Variants in CADPS2 observed in about 807,000 individuals in gnomAD.
CADPS2 encodes the protein calcium-dependent secretion activator 2.
In CADPS2, 93 loss-of-function variants were observed where a neutral mutation model predicts 172.5. The observed-to-expected ratio is 0.54, with a 90% CI of 0.46 to 0.64. The LOEUF (loss-of-function observed/expected upper bound fraction) is 0.64. CADPS2 is among the 30% of genes least tolerant of loss of function. The pLI is 0.00. For missense variants in CADPS2, 1,420 were observed against 1,565.9 expected (o/e 0.91, Z 1.57); for synonymous variants, 546 against 555.2 (o/e 0.98, Z 0.23).
intron 8 of CADPS2, among the ~76,000 whole-genome samples, chr7:122,529,225 C>T (rs1317774788): frequency 6.6e-6 from 1 of 151,332 alleles, no homozygotes; most frequent in African/African-American, 2.4e-5. Flanking sequence ...CAGTACCTTC[C>T]CACCCCAAAA....
intron 15 of CADPS2, 144 bp downstream of exon 15, chr7:122,451,230 G>A: frequency 2.4e-6 from 1 of 421,762 alleles, no homozygotes; most frequent in Non-Finnish European, 4.2e-6. Flanking sequence ...ACAGACTGAA[G>A]AATGTGAACC....
intron 3 of CADPS2, among the ~76,000 whole-genome samples, chr7:122,632,932 G>A (rs897567435): frequency 7.2e-5 from 11 of 152,114 alleles, no homozygotes; most frequent in Non-Finnish European, 1.5e-4. Context: ...AGTTATTCCA[G>A]CACCATTTAT....
chr7:122,325,447 G>T, intron 29 of CADPS2, 30 bp downstream of exon 29: 1 of 1,385,996 alleles, frequency 7.2e-7, no homozygotes, highest in South Asian at 1.2e-5. Context: ...AGCTTAGTGG[G>T]CAATTCATAT....
At position 122,362,525 on chromosome 7, in the gene CADPS2, T is replaced by C. The variant is rs534524375; in HGVS notation, c.3388-1512A>G. Among the ~76,000 whole-genome samples the C allele has an allele frequency of 2.0e-5, 3 of 152,264 alleles. No homozygotes were observed. The South Asian group carries it at 6.2e-4, about 32-fold the overall frequency. Reference sequence around the variant, plus strand: ...AAAAAACACATACACTATAATACAGTAAAAATGTGAAGCATTTTACTTTAT... The same window carrying C: ...AAAAAACACATACACTATAATACAGCAAAAATGTGAAGCATTTTACTTTAT... On this transcript the variant is annotated intron_variant, in intron 25 of 29. Coordinates refer to ENST00000449022, the MANE Select transcript of CADPS2 (RefSeq NM_017954.11).
intron 2 of CADPS2, among the ~76,000 whole-genome samples, chr7:122,665,617 T>C (rs953264731): frequency 1.3e-5 from 2 of 152,218 alleles, no homozygotes; most frequent in Admixed American, 6.5e-5. Flanking sequence ...TGATAAAGTG[T>C]TGAACATCTC....
At chr7:122,429,041 G>A (rs1053062571) in intron 17 of CADPS2, among the ~76,000 whole-genome samples, 3 of 151,942 alleles carry the variant, frequency 2.0e-5, no homozygotes, top group Non-Finnish European at 4.4e-5. Flanking sequence ...AACAACCAGT[G>A]TTTGTTACCA....
At chr7:122,708,469 T>G in intron 2 of CADPS2, among the ~76,000 whole-genome samples, 1 of 144,906 alleles carries the variant, frequency 6.9e-6, no homozygotes, top group South Asian at 2.2e-4. Flanking sequence ...TGGATATATA[T>G]ATATATATAT....
At chr7:122,513,377 T>C in intron 8 of CADPS2, 62 bp from the exon 9 acceptor site, 1 of 1,274,364 alleles carries the variant, frequency 7.8e-7, no homozygotes, top group Non-Finnish European at 1.1e-6. Flanking sequence ...TTCCATGTAA[T>C]CACATTTCTT....
chr7:122,662,788 T>C (rs997711674), intron 3 of CADPS2, among the ~76,000 whole-genome samples: 2 of 152,216 alleles, frequency 1.3e-5, no homozygotes, highest in Non-Finnish European at 2.9e-5. Context: ...TATTTCAATC[T>C]GGATGAGTTA....
intron 1 of CADPS2, among the ~76,000 whole-genome samples, chr7:122,871,396 T>A (rs1819711148): frequency 6.6e-6 from 1 of 152,094 alleles, no homozygotes; most frequent in African/African-American, 2.4e-5. Flanking sequence ...TCACTGACAA[T>A]TTTTAATTAT....
intron 1 of CADPS2, among the ~76,000 whole-genome samples, chr7:122,768,707 A>T (rs1185335535): frequency 6.6e-6 from 1 of 152,214 alleles, no homozygotes; most frequent in African/African-American, 2.4e-5. Context: ...TAGATAAGTA[A>T]TAACAGCTCC....
chr7:122,804,574 A>T (rs1397777593), intron 1 of CADPS2, among the ~76,000 whole-genome samples: 3 of 152,172 alleles, frequency 2.0e-5, no homozygotes, highest in African/African-American at 4.8e-5. Context: ...GTAGAACTAG[A>T]GTGTGTAGTG....
At chr7:122,571,816 A>T (rs1563739789) in intron 7 of CADPS2, among the ~76,000 whole-genome samples, 1 of 152,134 alleles carries the variant, frequency 6.6e-6, no homozygotes, top group African/African-American at 2.4e-5. Context: ...CGGAATTAAA[A>T]TTTTTTCTCT....
chr7:122,398,059 C>T (rs770610351), intron 20 of CADPS2, among the ~76,000 whole-genome samples: 3 of 151,954 alleles, frequency 2.0e-5, no homozygotes, highest in African/African-American at 7.3e-5. Flanking sequence ...AAAAAGAAAA[C>T]AAATGGCTTA....
intron 2 of CADPS2, among the ~76,000 whole-genome samples, chr7:122,685,137 G>T (rs933107982): frequency 1.3e-5 from 2 of 152,010 alleles, no homozygotes; most frequent in Non-Finnish European, 2.9e-5. Flanking sequence ...GATTGTGAGC[G>T]ACCCAAAGGT....
chr7:122,755,653 G>GT (rs1288822903), intron 1 of CADPS2, among the ~76,000 whole-genome samples: 1 of 151,332 alleles, frequency 6.6e-6, no homozygotes, highest in Non-Finnish European at 1.5e-5. Flanking sequence ...TCCCTGAAAA[G>GT]TTATGCTTGG....
chr7:122,788,549 C>T (rs772757708), intron 1 of CADPS2, among the ~76,000 whole-genome samples: 5 of 152,102 alleles, frequency 3.3e-5, no homozygotes, highest in African/African-American at 9.7e-5. Flanking sequence ...ACTTAAACTC[C>T]GCCCTTCTCA....
At chr7:122,384,717 G>A (rs182000447) in intron 24 of CADPS2, among the ~76,000 whole-genome samples, 1 of 152,052 alleles carries the variant, frequency 6.6e-6, no homozygotes, top group African/African-American at 2.4e-5. Context: ...AATTGTCTCT[G>A]GTGTGAATGT....
At chr7:122,616,542 T>TAAAATA (rs1404371503) in intron 5 of CADPS2, among the ~76,000 whole-genome samples, 2 of 152,102 alleles carry the variant, frequency 1.3e-5, no homozygotes, top group African/African-American at 2.4e-5. Flanking sequence ...TATTTATCAA[T>TAAAATA]AAAATAAAAG....
Sources: gnomAD v4.1 joint callset for allele counts (sites outside exome capture counted in the v4.1 genomes callset) on GRCh38, gnomAD v4.1.1 for gene constraint, MANE v1.5 for transcripts, NCBI Gene and HGNC (gene_info 2026-07-23, HGNC 2026-07-21) for gene names.